MEF2A: variants seen among roughly 807,000 people sequenced by gnomAD.
MEF2A encodes myocyte enhancer factor 2A.
MEF2A carries 28 observed loss-of-function variants against 55.8 expected under a neutral mutation model. That is an observed-to-expected ratio of 0.50 (90% CI 0.37 to 0.69). MEF2A has a LOEUF of 0.69. Among genes scored for constraint, MEF2A ranks in the 30% least tolerant of loss-of-function variants. MEF2A has a pLI of 0.00. For missense variants in MEF2A, 528 were observed against 626.2 expected (o/e 0.84, Z 1.67); for synonymous variants, 239 against 227.1 (o/e 1.05, Z -0.47).
intron 1 of MEF2A, among the ~76,000 whole-genome samples, chr15:99,570,884 C>T (rs1022622383): frequency 1.3e-5 from 2 of 151,674 alleles, no homozygotes; most frequent in South Asian, 4.2e-4. Flanking sequence ...GAAGATTGGC[C>T]TGTAAAATCA....
chr15:99,660,269 T>C (rs2048403942), intron 4 of MEF2A, among the ~76,000 whole-genome samples: 1 of 152,188 alleles, frequency 6.6e-6, no homozygotes, highest in Non-Finnish European at 1.5e-5. Flanking sequence ...TGGCGTGATC[T>C]TGGCTCACCC....
At chr15:99,640,559 CTTTT>C (rs561916381) in intron 3 of MEF2A, among the ~76,000 whole-genome samples, 3 of 133,952 alleles carry the variant, frequency 2.2e-5, no homozygotes, top group Non-Finnish European at 3.2e-5. Context: ...TCTTTCTTTT[CTTTT>C]TTTTTTTTTT....
rs1375724573 is a variant in MEF2A at position 99,700,185 on chromosome 15, TATACACAC to T, written c.859-3175_859-3168del. The stretch of plus-strand genomic sequence containing the variant: ...ACACATACGTATATATGTGTGTATA[TATACACAC>T]ACACACACACACACACACACATATG... On this transcript the variant is annotated intron_variant, in intron 8 of 11. Transcript: ENST00000557942. Among the ~76,000 whole-genome samples, 724 of 100,438 alleles carry T rather than the reference TATACACAC, an allele frequency of 7.2e-3. 14 individuals are homozygous for T. Among genetic ancestry groups the T allele is most frequent in the African/African-American group, 0.023 (671 of 29,022 alleles). The allele number at this position is 100,438 out of a possible 152,430, so 65.9% of individuals were successfully genotyped here. A position where few individuals can be genotyped will look rare whatever the true frequency, so the allele number is the denominator to read the frequency against.
At position 99,674,542 on chromosome 15, in the gene MEF2A, A is replaced by G; in HGVS notation, c.540A>G (p.Pro180=). Residue 180 remains proline (P), a synonymous_variant, in exon 6 of 12, where the codon CCA becomes CCG. Coordinates refer to ENST00000557942, the MANE Select transcript of MEF2A (RefSeq NM_001319206.4). ...STLTDSSMLS[P]PQTTLHRNVS... ...TAACAGATTCAAGCATGCTCTCTCC[A>G]CCTCAAACCACATTACATAGAAATG... 2.5e-6 allele frequency: 4 copies of G among 1,613,822 alleles called. No homozygotes were observed. The highest frequency in any genetic ancestry group is 3.4e-6 in the Non-Finnish European group (4 of 1,179,850).
chr15:99,703,250 A>T, intron 8 of MEF2A, 112 bp from the exon 9 acceptor site: 1 of 953,728 alleles, frequency 1.0e-6, no homozygotes, highest in Non-Finnish European at 1.7e-6. Context: ...TCGTCTCTTT[A>T]GAGTTCCAGA....
intron 4 of MEF2A, among the ~76,000 whole-genome samples, chr15:99,665,581 T>C (rs1268360881): frequency 6.6e-6 from 1 of 151,500 alleles, no homozygotes; most frequent in East Asian, 1.9e-4. Flanking sequence ...AATAGATAAA[T>C]AGGATCTGAT....
At chr15:99,567,109 C>T (rs1378120252) in intron 1 of MEF2A, among the ~76,000 whole-genome samples, 1 of 152,202 alleles carries the variant, frequency 6.6e-6, no homozygotes, top group African/African-American at 2.4e-5. Flanking sequence ...GAAATAGATT[C>T]CGGAGCTGTG....
At chr15:99,625,222 T>G (rs1358319793) in intron 2 of MEF2A, among the ~76,000 whole-genome samples, 1 of 152,182 alleles carries the variant, frequency 6.6e-6, no homozygotes, top group Admixed American at 6.5e-5. Context: ...CCATTGTAAA[T>G]TGAATTTTCT....
At chr15:99,659,231 A>G (rs770335450) in intron 4 of MEF2A, among the ~76,000 whole-genome samples, 42 of 152,180 alleles carry the variant, frequency 2.8e-4, no homozygotes, top group African/African-American at 1.0e-3. Flanking sequence ...CTCAATATCC[A>G]GCTCCTGGGA....
chr15:99,644,898 G>A (rs556459149), intron 3 of MEF2A, among the ~76,000 whole-genome samples: 6 of 152,216 alleles, frequency 3.9e-5, no homozygotes, highest in African/African-American at 1.4e-4. Context: ...TTTTGAAGGG[G>A]AGGGAAAGAA....
At chr15:99,568,252 A>G (rs1960602808) in intron 1 of MEF2A, among the ~76,000 whole-genome samples, 1 of 152,218 alleles carries the variant, frequency 6.6e-6, no homozygotes, top group South Asian at 2.1e-4. Flanking sequence ...TAATGTCACC[A>G]TGTTGAATTA....
At chr15:99,575,303 A>T (rs910874944) in intron 1 of MEF2A, among the ~76,000 whole-genome samples, 5 of 152,104 alleles carry the variant, frequency 3.3e-5, no homozygotes, top group Non-Finnish European at 7.4e-5. Context: ...AATGCATTTT[A>T]ATTATATCCC....
At chr15:99,676,402 T>C (rs1332991276) in intron 7 of MEF2A, among the ~76,000 whole-genome samples, 1 of 152,116 alleles carries the variant, frequency 6.6e-6, no homozygotes, top group East Asian at 1.9e-4. Flanking sequence ...CCCTTTTTTT[T>C]TTTATTCCCC....
chr15:99,637,026 G>A (rs1222082424), intron 3 of MEF2A, among the ~76,000 whole-genome samples: 1 of 151,444 alleles, frequency 6.6e-6, no homozygotes, highest in Non-Finnish European at 1.5e-5. Flanking sequence ...TAAATTCTCT[G>A]TTTTGTTCCA....
intron 2 of MEF2A, among the ~76,000 whole-genome samples, chr15:99,630,802 CTAGAG>C (rs1406786155): frequency 6.6e-6 from 1 of 152,132 alleles, no homozygotes; most frequent in African/African-American, 2.4e-5. Flanking sequence ...ACCTTTATAC[CTAGAG>C]TATAGTTCTT....
At chr15:99,605,009 G>C (rs779386997) in intron 2 of MEF2A, among the ~76,000 whole-genome samples, 13 of 152,154 alleles carry the variant, frequency 8.5e-5, no homozygotes, top group Non-Finnish European at 1.9e-4. Context: ...ACAGTGGTGT[G>C]AGCTCTGCTC....
At chr15:99,603,607 G>T (rs905009911) in intron 2 of MEF2A, among the ~76,000 whole-genome samples, 2 of 148,032 alleles carry the variant, frequency 1.4e-5, no homozygotes, top group Non-Finnish European at 3.0e-5. Context: ...TGCCATGTTG[G>T]CCAGGCTGGT....
At chr15:99,601,807 TTGTGTGTGTGTGTGTGTGTGTG>T (rs56729766) in intron 2 of MEF2A, among the ~76,000 whole-genome samples, 104 of 138,918 alleles carry the variant, frequency 7.5e-4, no homozygotes, top group African/African-American at 1.3e-3. Context: ...TTTGTCTGTT[TTGTGTGTGTGTGTGTGTGTGTG>T]TGTGTGTGTG....
At chr15:99,575,221 A>G (rs920713520) in intron 1 of MEF2A, among the ~76,000 whole-genome samples, 1 of 152,208 alleles carries the variant, frequency 6.6e-6, no homozygotes, top group African/African-American at 2.4e-5. Context: ...TGTTTAATGT[A>G]CAGTTCATGT....
Sources: allele counts gnomAD v4.1 joint callset (sites outside exome capture counted in the v4.1 genomes callset), GRCh38; gene constraint gnomAD v4.1.1; transcripts MANE v1.5; gene names NCBI Gene and HGNC (gene_info 2026-07-23, HGNC 2026-07-21).